NAT1: variants seen among roughly 807,000 people sequenced by gnomAD.
NAT1 encodes N-acetyltransferase 1.
For synonymous variants in NAT1, 144 were observed against 122.6 expected (o/e 1.17, Z -1.16); for missense variants, 400 against 339.2 (o/e 1.18, Z -1.41).
At chr8:18,178,907 C>T (rs1001684769) in intron 2 of NAT1, among the ~76,000 whole-genome samples, 5 of 152,130 alleles carry the variant, frequency 3.3e-5, no homozygotes, top group African/African-American at 1.2e-4. Context: ...TGTCTTTTCA[C>T]CTTACGCTTC....
At chr8:18,216,431 T>A (rs1804675486) in intron 1 of NAT1, among the ~76,000 whole-genome samples, 3 of 152,032 alleles carry the variant, frequency 2.0e-5, no homozygotes. Context: ...CAAGCTCGAG[T>A]CAGGGCAATC....
chr8:18,216,696 A>C (rs1006961354), intron 1 of NAT1, among the ~76,000 whole-genome samples: 3 of 152,144 alleles, frequency 2.0e-5, no homozygotes, highest in Admixed American at 1.3e-4. Context: ...GAGTGGCTGG[A>C]TTAAGATGAT....
chr8:18,222,658 C>T lies in NAT1; in HGVS notation c.611C>T (p.Ser204Phe). 6.2e-7 allele frequency: 1 copy of T among 1,613,692 alleles called. No individual in the cohort carries two copies. Reference protein sequence around the residue: ...LKPRTIEDFESMNTYLQTSPS... With the variant: ...LKPRTIEDFEFMNTYLQTSPS... ...CCTCGAACAATTGAAGATTTTGAGT[C>T]TATGAATACATACCTGCAGACATCT... The change falls in exon 3 of 3, where the codon TCT (serine) becomes TTT (phenylalanine). Residue 204 changes from serine (S) to phenylalanine (F), a missense_variant. By Grantham distance (155) the Ser-to-Phe change is radical. Transcript: ENST00000307719.
At chr8:18,173,668 A>G (rs1181406044) in intron 2 of NAT1, among the ~76,000 whole-genome samples, 3 of 152,138 alleles carry the variant, frequency 2.0e-5, no homozygotes, top group African/African-American at 7.2e-5. Context: ...TTCTTGTTGT[A>G]TAGTCTTGTT....
At chr8:18,184,914 G>T (rs536816161) in intron 2 of NAT1, among the ~76,000 whole-genome samples, 1 of 152,166 alleles carries the variant, frequency 6.6e-6, no homozygotes, top group Non-Finnish European at 1.5e-5. Context: ...TTTATCAAAT[G>T]TACAGTGATA....
At chr8:18,205,405 T>C (rs905641637), upstream of NAT1, among the ~76,000 whole-genome samples, 1 of 152,148 alleles carries the variant, frequency 6.6e-6, no homozygotes, top group Non-Finnish European at 1.5e-5. Context: ...CTGTGCCCTG[T>C]AACAGGAGTG....
intron 2 of NAT1, among the ~76,000 whole-genome samples, chr8:18,202,852 C>T (rs977980301): frequency 6.6e-6 from 1 of 152,168 alleles, no homozygotes; most frequent in Non-Finnish European, 1.5e-5. Flanking sequence ...GTTGCCACTG[C>T]TGGCTTGGGT....
At chr8:18,188,462 T>A (rs1439276632) in intron 2 of NAT1, among the ~76,000 whole-genome samples, 1 of 152,162 alleles carries the variant, frequency 6.6e-6, no homozygotes, top group Non-Finnish European at 1.5e-5. Flanking sequence ...TATAAATGAA[T>A]AAGTCTTAGT....
At chr8:18,173,562 C>T (rs1021904977) in intron 2 of NAT1, among the ~76,000 whole-genome samples, 1 of 152,164 alleles carries the variant, frequency 6.6e-6, no homozygotes, top group African/African-American at 2.4e-5. Flanking sequence ...AACATTATAA[C>T]ACTGAGGCAC....
At chr8:18,187,664 G>C (rs1409956307) in intron 2 of NAT1, among the ~76,000 whole-genome samples, 1 of 151,934 alleles carries the variant, frequency 6.6e-6, no homozygotes, top group African/African-American at 2.4e-5. Context: ...AGAACACATG[G>C]ACACGAAGAA....
At chr8:18,179,009 G>T (rs922583539) in intron 2 of NAT1, among the ~76,000 whole-genome samples, 2 of 151,976 alleles carry the variant, frequency 1.3e-5, no homozygotes, top group Non-Finnish European at 2.9e-5. Flanking sequence ...TGTCCTTCTT[G>T]TTCCTGCGTG....
chr8:18,201,649 G>A (rs755445976), intron 2 of NAT1, among the ~76,000 whole-genome samples: 1 of 152,228 alleles, frequency 6.6e-6, no homozygotes, highest in African/African-American at 2.4e-5. Flanking sequence ...GCTGACCAGC[G>A]TGGGCTGACT....
chr8:18,208,287 CAG>C (rs1803815495), upstream of NAT1, among the ~76,000 whole-genome samples: 1 of 151,442 alleles, frequency 6.6e-6, no homozygotes, highest in Non-Finnish European at 1.5e-5. Context: ...TTAAAATAAA[CAG>C]AAACAGAAAC....
At chr8:18,218,402 C>G (rs891090058) in intron 1 of NAT1, among the ~76,000 whole-genome samples, 6 of 152,230 alleles carry the variant, frequency 3.9e-5, no homozygotes, top group Admixed American at 2.6e-4. Flanking sequence ...GCATGTCACA[C>G]ACAATTAGAG....
chr8:18,173,152 A>G (rs868644863), intron 2 of NAT1, among the ~76,000 whole-genome samples: 4,297 of 151,208 alleles, frequency 0.028, 197 homozygotes, highest in African/African-American at 0.098. Context: ...AGATGCACAC[A>G]CACACACACA....
At chr8:18,184,231 C>A (rs967517193) in intron 2 of NAT1, among the ~76,000 whole-genome samples, 1 of 152,176 alleles carries the variant, frequency 6.6e-6, no homozygotes, top group African/African-American at 2.4e-5. Context: ...GAATTAGAAC[C>A]ACATAGATGC....
chr8:18,200,481 C>T (rs1006534631), intron 2 of NAT1, among the ~76,000 whole-genome samples: 3 of 152,082 alleles, frequency 2.0e-5, no homozygotes, highest in African/African-American at 7.2e-5. Context: ...TGGCACTAAA[C>T]ATTGAGTACA....
intron 2 of NAT1, among the ~76,000 whole-genome samples, chr8:18,171,661 C>A (rs1802101361): frequency 6.6e-6 from 1 of 151,714 alleles, no homozygotes; most frequent in Non-Finnish European, 1.5e-5. Flanking sequence ...CAAAACAAAA[C>A]AAAAAAAACC....
chr8:18,191,307 T>C (rs1265796987), intron 2 of NAT1, among the ~76,000 whole-genome samples: 1 of 152,174 alleles, frequency 6.6e-6, no homozygotes, highest in Non-Finnish European at 1.5e-5. Flanking sequence ...CTGCCTTTGA[T>C]TTTCACTTAG....
Sources: gnomAD v4.1 joint callset for allele counts (sites outside exome capture counted in the v4.1 genomes callset) on GRCh38, gnomAD v4.1.1 for gene constraint, MANE v1.5 for transcripts, NCBI Gene and HGNC (gene_info 2026-07-23, HGNC 2026-07-21) for gene names.